The following FARP1 variants were observed in gnomAD, a reference collection of about 807,000 sequenced individuals.
FARP1 encodes FERM, ARHGEF and pleckstrin domain-containing protein 1.
A neutral mutation model predicts 128.8 loss-of-function variants in FARP1; 52 were observed. The ratio of observed to expected loss-of-function variants is 0.40; its 90% CI spans 0.32 to 0.51. The LOEUF is 0.51. Ranked by LOEUF, FARP1 falls within the 20% of genes least tolerant of loss-of-function variation. The pLI, the probability that FARP1 is intolerant of heterozygous loss-of-function variation, is 0.45. For synonymous variants in FARP1, 580 were observed against 551.8 expected (o/e 1.05, Z -0.72); for missense variants, 1,333 against 1,367.9 (o/e 0.97, Z 0.40).
intron 13 of FARP1, chr13:98,396,156 A>G (rs1014067478): frequency 1.4e-4 from 56 of 399,134 alleles, no homozygotes; most frequent in Non-Finnish European, 2.3e-4. Context: ...AGTGGGGGCA[A>G]GCCAGCGCAG....
At chr13:98,164,752 TG>T (rs1300976193) in intron 1 of FARP1, among the ~76,000 whole-genome samples, 1 of 152,174 alleles carries the variant, frequency 6.6e-6, no homozygotes, top group Non-Finnish European at 1.5e-5. Flanking sequence ...AATAGAGCCA[TG>T]GTCTGGCAGG....
intron 2 of FARP1, among the ~76,000 whole-genome samples, chr13:98,290,197 A>C (rs1885386385): frequency 6.6e-6 from 1 of 152,088 alleles, no homozygotes; most frequent in South Asian, 2.1e-4. Context: ...GAAAGACAGG[A>C]AAAGACCTAA....
In FARP1 at chr13:98,247,158, C is replaced by G. The variant is rs148685818; in HGVS notation, c.171+33745C>G. Among the ~76,000 whole-genome samples the G allele has an allele frequency of 6.6e-5, 10 of 152,360 alleles. No homozygotes were observed. The East Asian group carries it at 1.3e-3, about 21-fold the overall frequency. ...TCGGGAGGCTGAGGCAGAAGAATCA[C>G]TGGAACCCAGGAGGCGGAGGTTGCA... On this transcript the variant is annotated intron_variant, in intron 2 of 26. Transcript: ENST00000319562.
At chr13:98,373,628 A>G (rs1438981527) in intron 5 of FARP1, among the ~76,000 whole-genome samples, 2 of 152,000 alleles carry the variant, frequency 1.3e-5, no homozygotes, top group Non-Finnish European at 2.9e-5. Flanking sequence ...CAAGAGAACA[A>G]GAATAAAATT....
chr13:98,251,082 G>A (rs576855567), intron 2 of FARP1, among the ~76,000 whole-genome samples: 41 of 152,254 alleles, frequency 2.7e-4, no homozygotes, highest in Admixed American at 2.3e-3. Flanking sequence ...GAAAAATGAC[G>A]ATTTCTAATA....
chr13:98,307,033 A>G (rs956031196), intron 2 of FARP1, among the ~76,000 whole-genome samples: 2 of 152,222 alleles, frequency 1.3e-5, no homozygotes, highest in East Asian at 3.9e-4. Flanking sequence ...TCAACAGCTA[A>G]CCTCGTCACA....
At chr13:98,203,110 C>T (rs1219624709) in intron 1 of FARP1, among the ~76,000 whole-genome samples, 1 of 152,202 alleles carries the variant, frequency 6.6e-6, no homozygotes, top group East Asian at 1.9e-4. Context: ...CCCCAGCCTG[C>T]CTTGCTTTTG....
chr13:98,288,510 C>T (rs1885300267), intron 2 of FARP1, among the ~76,000 whole-genome samples: 1 of 152,174 alleles, frequency 6.6e-6, no homozygotes, highest in African/African-American at 2.4e-5. Flanking sequence ...TGATATTTCT[C>T]CTTGGTGCGC....
At chr13:98,153,644 A>G (rs1320170194) in intron 1 of FARP1, among the ~76,000 whole-genome samples, 5 of 146,692 alleles carry the variant, frequency 3.4e-5, no homozygotes, top group East Asian at 2.0e-4. Flanking sequence ...GCTTGCTGCA[A>G]CCTCCGACTC....
chr13:98,267,429 C>G (rs1192007672), intron 2 of FARP1, among the ~76,000 whole-genome samples: 1 of 152,208 alleles, frequency 6.6e-6, no homozygotes, highest in Admixed American at 6.5e-5. Context: ...TTTGCTCAAA[C>G]CTGTTCTTGA....
At chr13:98,417,455 GAAAAAAAAA>G (rs869304302) in intron 16 of FARP1, among the ~76,000 whole-genome samples, 12,380 of 58,784 alleles carry the variant, frequency 0.21, 1,004 homozygotes, top group Admixed American at 0.31. Context: ...CCAGAGGTTT[GAAAAAAAAA>G]AAAAAAAAAA....
chr13:98,401,247 A>G (rs1890750017), intron 13 of FARP1: 1 of 152,106 alleles, frequency 6.6e-6, no homozygotes, highest in Admixed American at 6.5e-5. Flanking sequence ...GTTTAATTCC[A>G]TCTGTTTCTG....
intron 2 of FARP1, among the ~76,000 whole-genome samples, chr13:98,336,935 T>G (rs1409510392): frequency 6.6e-6 from 1 of 152,182 alleles, no homozygotes; most frequent in Non-Finnish European, 1.5e-5. Flanking sequence ...TTATAGTGAC[T>G]GTTTGGCCTC....
chr13:98,396,243 G>C, intron 13 of FARP1: 1 of 399,140 alleles, frequency 2.5e-6, no homozygotes, highest in Non-Finnish European at 4.4e-6. Context: ...CTGTGCAGTC[G>C]GTGTGTGCCA....
At chr13:98,289,515 A>T (rs1316703271) in intron 2 of FARP1, among the ~76,000 whole-genome samples, 4 of 152,224 alleles carry the variant, frequency 2.6e-5, no homozygotes, top group African/African-American at 9.6e-5. Context: ...ATATTTGGTT[A>T]TCTTCAGCTG....
intron 2 of FARP1, among the ~76,000 whole-genome samples, chr13:98,268,041 C>T (rs1244195098): frequency 1.3e-5 from 2 of 152,176 alleles, no homozygotes; most frequent in Non-Finnish European, 2.9e-5. Flanking sequence ...GCACATTGTT[C>T]GACCTCCAGA....
chr13:98,365,451 A>G lies in FARP1; in HGVS notation c.319+14A>G, dbSNP rs1323647861. ...AACAGATTAGAAGTGAGTATATACCATATGTTTAATAGTGATGTGAAATCT... is the reference window on the plus strand; with the variant it reads ...AACAGATTAGAAGTGAGTATATACCGTATGTTTAATAGTGATGTGAAATCT... On this transcript the variant is annotated intron_variant, in intron 4 of 26. Coordinates refer to ENST00000319562, the MANE Select transcript of FARP1 (RefSeq NM_005766.4). 6 of 1,568,778 alleles carry G rather than the reference A, an allele frequency of 3.8e-6. No homozygotes were observed. Among genetic ancestry groups the G allele is most frequent in the Non-Finnish European group, 5.3e-6 (6 of 1,140,538 alleles).
intron 1 of FARP1, chr13:98,175,722 T>C (rs1205408801): frequency 6.1e-6 from 1 of 164,540 alleles, no homozygotes; most frequent in East Asian, 1.8e-4. Context: ...ACCATTCGAC[T>C]TTTTATGTAA....
At chr13:98,428,931 C>T (rs1250170220) in intron 17 of FARP1, among the ~76,000 whole-genome samples, 1 of 152,222 alleles carries the variant, frequency 6.6e-6, no homozygotes, top group African/African-American at 2.4e-5. Flanking sequence ...CATGCACGCA[C>T]ACACATGCAA....
Sources: gnomAD v4.1 joint callset for allele counts (sites outside exome capture counted in the v4.1 genomes callset) on GRCh38, gnomAD v4.1.1 for gene constraint, MANE v1.5 for transcripts, NCBI Gene and HGNC (gene_info 2026-07-23, HGNC 2026-07-21) for gene names.